The following PHF6 variants were observed in gnomAD, a reference collection of about 807,000 sequenced individuals.
The protein encoded by PHF6 is PHD-like zinc finger protein.
PHF6 carries 7 observed loss-of-function variants against 34.0 expected under a neutral mutation model. That is an observed-to-expected ratio of 0.21 (90% CI 0.12 to 0.39). The LOEUF (loss-of-function observed/expected upper bound fraction) is 0.39, where lower values mean the gene tolerates loss of function less well. PHF6 is among the 10% of genes least tolerant of loss of function. The pLI, the probability that PHF6 is intolerant of heterozygous loss-of-function variation, is 1.00. For synonymous variants in PHF6, 89 were observed against 88.4 expected (o/e 1.01, Z -0.04); for missense variants, 128 against 262.8 (o/e 0.49, Z 3.55).
At chrX:134,418,089 A>G (rs1441187500) in intron 9 of PHF6, 2 of 111,161 alleles carry the variant, frequency 1.8e-5, no homozygotes, top group Admixed American at 9.6e-5. Flanking sequence ...TTAAGCTGAG[A>G]TATTAAGGAC....
intron 3 of PHF6, among the ~76,000 whole-genome samples, chrX:134,384,809 T>G (rs762637266): frequency 5.8e-5 from 6 of 103,337 alleles, no homozygotes; most frequent in Non-Finnish European, 1.3e-4. Context: ...CCACCACCGC[T>G]CCTGGCTAAT....
intron 3 of PHF6, among the ~76,000 whole-genome samples, chrX:134,381,599 A>G (rs2077307930): frequency 9.3e-6 from 1 of 107,870 alleles, no homozygotes; most frequent in Admixed American, 1.0e-4. Flanking sequence ...GGTACAAGCG[A>G]TTTTCCTGTC....
chrX:134,394,412 G>A (rs750995348), intron 5 of PHF6, among the ~76,000 whole-genome samples: 21 of 111,435 alleles, frequency 1.9e-4, no homozygotes, highest in Non-Finnish European at 3.0e-4. Context: ...GATTACAGGC[G>A]TGAGCCATCG....
At chrX:134,378,872 T>C (rs928589792) in intron 3 of PHF6, among the ~76,000 whole-genome samples, 4 of 112,522 alleles carry the variant, frequency 3.6e-5, no homozygotes, top group Non-Finnish European at 5.6e-5. Flanking sequence ...TCTGCCTCCC[T>C]GAGAGCTGGG....
At chrX:134,395,159 G>A (rs1248343517) in intron 5 of PHF6, among the ~76,000 whole-genome samples, 4 of 111,827 alleles carry the variant, frequency 3.6e-5, no homozygotes, top group Non-Finnish European at 7.5e-5. Context: ...GGCCAGCTGC[G>A]TGTTTCTTTA....
intron 5 of PHF6, among the ~76,000 whole-genome samples, chrX:134,412,166 CT>C (rs754383400): frequency 8.9e-6 from 1 of 112,493 alleles, no homozygotes; most frequent in Non-Finnish European, 1.9e-5. Flanking sequence ...CTTTAATTGA[CT>C]TCTGTGTCTT....
rs560996523 is a variant in PHF6, at chrX:134,390,401, T to C, written c.241-3100T>C. On this transcript the variant is annotated intron_variant, in intron 3 of 10. Transcript: ENST00000370803. ...CTTGTCTTTCTTGAGTGAAACTGACTATAAAAATAAAGTAAGCTTTAAAAA... is the reference window on the plus strand; with the variant it reads ...CTTGTCTTTCTTGAGTGAAACTGACCATAAAAATAAAGTAAGCTTTAAAAA... Among the ~76,000 whole-genome samples the C allele has an allele frequency of 1.2e-4, 13 of 112,237 alleles. No individual in the cohort carries two copies. In the South Asian group the frequency reaches 4.8e-3, roughly 41 times the overall value.
chrX:134,415,653 T>C (rs983955229), intron 8 of PHF6, among the ~76,000 whole-genome samples: 1 of 112,427 alleles, frequency 8.9e-6, no homozygotes, highest in East Asian at 2.8e-4. Context: ...TTAACACTTA[T>C]GAATGCTATG....
chrX:134,378,144 T>C (rs2077287258), intron 3 of PHF6, 38 bp downstream of exon 3: 1 of 919,518 alleles, frequency 1.1e-6, no homozygotes, highest in Non-Finnish European at 1.6e-6. Context: ...ATAAAAATTA[T>C]TTAAACTCAT....
chrX:134,392,943 T>G (rs1477988164), intron 3 of PHF6, among the ~76,000 whole-genome samples: 1 of 110,894 alleles, frequency 9.0e-6, no homozygotes, highest in Non-Finnish European at 1.9e-5. Flanking sequence ...ATTAGAGGCA[T>G]GCGCCACCAC....
chrX:134,386,612 TTCACCATGTTGGCCAGG>T (rs1387762018), intron 3 of PHF6, among the ~76,000 whole-genome samples: 1 of 110,581 alleles, frequency 9.0e-6, no homozygotes, highest in East Asian at 2.8e-4. Flanking sequence ...GGTTGGGAGT[TTCACCATGTTGGCCAGG>T]ATGGTCTCGA....
intron 7 of PHF6, among the ~76,000 whole-genome samples, chrX:134,414,507 T>C (rs2077464253): frequency 9.0e-6 from 1 of 111,560 alleles, no homozygotes; most frequent in South Asian, 3.7e-4. Flanking sequence ...ACTCATCCCA[T>C]TGATAAGGTT....
At chrX:134,411,172 G>A (rs1194670979) in intron 5 of PHF6, among the ~76,000 whole-genome samples, 1 of 110,367 alleles carries the variant, frequency 9.1e-6, no homozygotes, top group Non-Finnish European at 1.9e-5. Flanking sequence ...GGTTGGTCTC[G>A]AATTCCCGAC....
chrX:134,395,233 T>C (rs189903592), intron 5 of PHF6, among the ~76,000 whole-genome samples: 1 of 112,581 alleles, frequency 8.9e-6, no homozygotes, highest in African/African-American at 3.2e-5. Context: ...GTAATAGTAG[T>C]ACATTTTGTG....
chrX:134,384,659 C>CTTTTTTTTTTCT (rs1360717701), intron 3 of PHF6, among the ~76,000 whole-genome samples: 9 of 97,568 alleles, frequency 9.2e-5, no homozygotes, highest in African/African-American at 3.3e-4. Flanking sequence ...CTTTCTTTTT[C>CTTTTTTTTTTCT]TTTTTTTTTT....
intron 5 of PHF6, among the ~76,000 whole-genome samples, chrX:134,398,312 C>T (rs1207108878): frequency 2.7e-5 from 3 of 111,568 alleles, no homozygotes; most frequent in Non-Finnish European, 5.6e-5. Context: ...ATTACTTGAG[C>T]CCAGAATTTC....
At position 134,425,960 on chromosome X, in the gene PHF6, T is replaced by C. The variant is rs1187774958; in HGVS notation, c.*300T>C. On this transcript the variant is annotated 3_prime_UTR_variant, in exon 11 of 11. Transcript: ENST00000370803. Reference sequence around the variant, plus strand: ...GACGAAACGAAGTAAGCTATATTTCTGGACTGAACAAAGCTCTGCTGTTTA... The same window carrying C: ...GACGAAACGAAGTAAGCTATATTTCCGGACTGAACAAAGCTCTGCTGTTTA... 2 of 164,340 alleles carry C rather than the reference T, an allele frequency of 1.2e-5. No individual in the cohort carries two copies. Among genetic ancestry groups the C allele is most frequent in the African/African-American group, 3.0e-5 (1 of 33,566 alleles). The allele number at this position is 164,340 out of a possible 1,213,427, so 13.5% of individuals were successfully genotyped here. A position where few individuals can be genotyped will look rare whatever the true frequency, so the allele number is the denominator to read the frequency against.
chrX:134,401,929 A>G (rs901727739), intron 5 of PHF6, among the ~76,000 whole-genome samples: 1 of 112,003 alleles, frequency 8.9e-6, no homozygotes, highest in African/African-American at 3.2e-5. Context: ...TAATTTATGT[A>G]GATTTGAAGC....
At chrX:134,406,110 C>CTTTCT (rs1556017668) in intron 5 of PHF6, among the ~76,000 whole-genome samples, 5 of 77,001 alleles carry the variant, frequency 6.5e-5, no homozygotes, top group African/African-American at 1.2e-4. Flanking sequence ...TTCTTTCTTT[C>CTTTCT]TTTTTTTTTT....
Sources: gnomAD v4.1 joint callset for allele counts (sites outside exome capture counted in the v4.1 genomes callset) on GRCh38, gnomAD v4.1.1 for gene constraint, MANE v1.5 for transcripts, NCBI Gene and HGNC (gene_info 2026-07-23, HGNC 2026-07-21) for gene names.